Variants in ANXA8 observed in about 807,000 individuals in gnomAD.
The protein encoded by ANXA8 is VAC-beta.
ANXA8 carries 9 observed loss-of-function variants against 26.8 expected under a neutral mutation model. That is an observed-to-expected ratio of 0.34 (90% CI 0.20 to 0.59). The LOEUF (loss-of-function observed/expected upper bound fraction) is 0.59. Among genes scored for constraint, ANXA8 ranks in the 20% least tolerant of loss-of-function variants. ANXA8 has a pLI of 0.84. For missense variants in ANXA8, 83 were observed against 238.5 expected (o/e 0.35, Z 4.29); for synonymous variants, 39 against 94.8 (o/e 0.41, Z 3.42).
At chr10:47,502,990 C>T in the ANXA8 span, 1 of 1,560,390 alleles carries the variant, frequency 6.4e-7, no homozygotes, top group Non-Finnish European at 8.7e-7. Flanking sequence ...GCTGGAGATA[C>T]CGGGGCTGAA....
chr10:47,745,008 C>A, the ANXA8 span, among the ~76,000 whole-genome samples: 1 of 150,942 alleles, frequency 6.6e-6, no homozygotes, highest in Admixed American at 6.6e-5. Context: ...CTCCCCCAAG[C>A]CTGGCCCAGG....
At chr10:47,685,612 T>C in the ANXA8 span, among the ~76,000 whole-genome samples, 2 of 151,800 alleles carry the variant, frequency 1.3e-5, no homozygotes, top group South Asian at 2.1e-4. Flanking sequence ...TGGCTCGGTA[T>C]AGATATGTAA....
the ANXA8 span, among the ~76,000 whole-genome samples, chr10:47,510,769 GC>G: frequency 1.8e-5 from 2 of 109,592 alleles, no homozygotes; most frequent in Non-Finnish European, 3.5e-5. Context: ...GGCAGAGCTT[GC>G]AGTGAGCCGA....
At chr10:47,756,739 T>C in the ANXA8 span, among the ~76,000 whole-genome samples, 4 of 152,238 alleles carry the variant, frequency 2.6e-5, no homozygotes, top group East Asian at 1.9e-4. Context: ...GGGTGGGACA[T>C]GTGGGGTGAA....
the ANXA8 span, among the ~76,000 whole-genome samples, chr10:47,520,978 T>C: frequency 8.6e-6 from 1 of 115,908 alleles, no homozygotes; most frequent in African/African-American, 4.0e-5. Flanking sequence ...TAAGATGTAT[T>C]CTAGAGTTTT....
At chr10:47,534,625 C>G in the ANXA8 span, among the ~76,000 whole-genome samples, 3,675 of 120,922 alleles carry the variant, frequency 0.03, 71 homozygotes, top group Middle Eastern at 0.043. Context: ...TTTTTAAAAT[C>G]ATTTTCAATT....
chr10:47,925,700 G>A, the ANXA8 span, among the ~76,000 whole-genome samples: 2 of 141,392 alleles, frequency 1.4e-5, no homozygotes, highest in Admixed American at 7.4e-5. Context: ...GGTTAATTGT[G>A]TGCACATTAA....
the ANXA8 span, among the ~76,000 whole-genome samples, chr10:47,585,263 CAAAAAAAA>C: frequency 3.4e-4 from 15 of 43,578 alleles, no homozygotes; most frequent in South Asian, 1.1e-3. Context: ...GACTCCATCT[CAAAAAAAA>C]AAAAAAAAAA....
chr10:47,777,294 C>A, the ANXA8 span, among the ~76,000 whole-genome samples: 1 of 151,572 alleles, frequency 6.6e-6, no homozygotes, highest in Admixed American at 6.6e-5. Flanking sequence ...GGACAGCCTG[C>A]ACCATCAGAT....
the ANXA8 span, among the ~76,000 whole-genome samples, chr10:47,743,263 T>TATATATATATATAC: frequency 1.4e-3 from 163 of 116,236 alleles, 1 homozygote; most frequent in East Asian, 5.3e-3. Context: ...TATATATATA[T>TATATATATATATAC]ACATATATAT....
At chr10:47,717,996 TCAAA>T in the ANXA8 span, among the ~76,000 whole-genome samples, 87 of 26,610 alleles carry the variant, frequency 3.3e-3, no homozygotes, top group African/African-American at 0.013. Context: ...ATACTCTGTC[TCAAA>T]AAAAAAAAAA....
the ANXA8 span, among the ~76,000 whole-genome samples, chr10:47,735,156 G>A: frequency 6.7e-6 from 1 of 150,274 alleles, no homozygotes; most frequent in Admixed American, 6.7e-5. Flanking sequence ...CTGGAGTACA[G>A]TGGCACAATT....
chr10:47,491,751 A>T, the ANXA8 span: 1 of 1,535,900 alleles, frequency 6.5e-7, no homozygotes, highest in South Asian at 1.2e-5. Flanking sequence ...TCTGGTGCCT[A>T]TCTAGGCTCT....
chr10:47,589,325 G>T, the ANXA8 span: 3 of 147,036 alleles, frequency 2.0e-5, no homozygotes, highest in Non-Finnish European at 2.9e-5. Context: ...TCAGTTAAAG[G>T]TTTCTGGCTG....
At chr10:47,599,263 G>T in the ANXA8 span, among the ~76,000 whole-genome samples, 1 of 139,524 alleles carries the variant, frequency 7.2e-6, no homozygotes, top group Non-Finnish European at 1.5e-5. Context: ...GAACACACGT[G>T]CCATAGACAA....
At chr10:47,730,530 T>C in the ANXA8 span, 1 of 715,838 alleles carries the variant, frequency 1.4e-6, no homozygotes, top group Non-Finnish European at 2.3e-6. Context: ...TGCTTTGGAT[T>C]TTTTATGAAA....
At chr10:47,674,536 T>C in the ANXA8 span, among the ~76,000 whole-genome samples, 56 of 151,752 alleles carry the variant, frequency 3.7e-4, no homozygotes, top group Non-Finnish European at 7.4e-4. Flanking sequence ...TGTGTATTTC[T>C]TTACTACAAA....
At chr10:47,729,400 T>G in the ANXA8 span, among the ~76,000 whole-genome samples, 1 of 143,054 alleles carries the variant, frequency 7.0e-6, no homozygotes, top group Admixed American at 7.1e-5. Context: ...AAGGGGTTAG[T>G]ACAGTCTGAG....
the ANXA8 span, among the ~76,000 whole-genome samples, chr10:47,718,081 T>C: frequency 2.0e-5 from 3 of 151,812 alleles, no homozygotes; most frequent in East Asian, 1.9e-4. Context: ...GTACTCTGCC[T>C]ACTACAGGAG....
Sources: gnomAD v4.1 joint callset for allele counts (sites outside exome capture counted in the v4.1 genomes callset) on GRCh38, gnomAD v4.1.1 for gene constraint, MANE v1.5 for transcripts, NCBI Gene and HGNC (gene_info 2026-07-23, HGNC 2026-07-21) for gene names.